Variants in NBEA observed in about 807,000 individuals in gnomAD.
The protein encoded by NBEA is lysosomal-trafficking regulator 2.
In NBEA, 44 loss-of-function variants were observed where a neutral mutation model predicts 343.4. That is an observed-to-expected ratio of 0.13 (90% CI 0.10 to 0.16). The LOEUF is 0.16. NBEA is among the 10% of genes least tolerant of loss of function. The pLI, the probability that NBEA is intolerant of heterozygous loss-of-function variation, is 1.00. For missense variants in NBEA, 2,555 were observed against 3,631.3 expected, an observed-to-expected ratio of 0.70 and a Z score of 7.62; for synonymous variants, 1,175 against 1,238.7, an observed-to-expected ratio of 0.95 and a Z score of 1.08.
chr13:35,472,509 T>G lies in NBEA; in HGVS notation c.6558T>G (p.Asp2186Glu). Residue 2186 changes from aspartate to glutamate, a missense_variant, in exon 41 of 59, where the codon GAT becomes GAG. Physicochemically the swap from Asp to Glu is conservative, Grantham distance 45. This residue lies in a region of NBEA where 246 missense variants were observed against 313.7 expected (regional missense o/e 0.78). Transcript: ENST00000379939. ...TEIYFEVDED[D>E]SAFKKIDTKV... is the part of the protein sequence containing the mutation. ...TCTACTTCGAGGTAGATGAGGATGA[T>G]TCTGCCTTCAAGAAGATCGACACGA... 1.2e-6 allele frequency: 2 copies of G among 1,614,024 alleles called. No individual in the cohort carries two copies. Among genetic ancestry groups the G allele is most frequent in the Non-Finnish European group, 1.7e-6 (2 of 1,179,896 alleles).
chr13:35,283,533 A>G (rs2035201486), intron 34 of NBEA, among the ~76,000 whole-genome samples: 1 of 152,158 alleles, frequency 6.6e-6, no homozygotes, highest in Admixed American at 6.6e-5. Context: ...CAATCTTCGA[A>G]AATATCTCAT....
chr13:35,495,667 C>T (rs573898871), intron 41 of NBEA, among the ~76,000 whole-genome samples: 2 of 151,994 alleles, frequency 1.3e-5, no homozygotes, highest in Non-Finnish European at 2.9e-5. Flanking sequence ...CCAACCAGAC[C>T]TAATACACAT....
chr13:35,631,786 A>G (rs1019036291), intron 49 of NBEA, among the ~76,000 whole-genome samples: 3 of 152,164 alleles, frequency 2.0e-5, no homozygotes, highest in Non-Finnish European at 2.9e-5. Flanking sequence ...CACAGCAATT[A>G]TGGCATTAAA....
At chr13:35,165,197 C>G (rs1270124624) in intron 24 of NBEA, 2 of 505,898 alleles carry the variant, frequency 4.0e-6, no homozygotes, top group Non-Finnish European at 8.1e-6. Flanking sequence ...TGGTGAGACA[C>G]TGTTTCCAAG....
At position 35,075,449 on chromosome 13, in the gene NBEA, A is replaced by G. The variant is rs1199335888; in HGVS notation, c.1571+4597A>G. 6.6e-5 allele frequency among the ~76,000 whole-genome samples: 10 copies of G among 152,222 alleles called. No individual in the cohort carries two copies. In the East Asian group the frequency reaches 1.9e-3, roughly 29 times the overall value. On this transcript the variant is annotated intron_variant, in intron 10 of 58. Transcript: ENST00000379939. ...GTAGAAATTTCATGTGATAATTTAA[A>G]TAAATTATCTTAAGTATATGAATAT...
chr13:35,468,379 C>T (rs1416735097), intron 40 of NBEA, among the ~76,000 whole-genome samples: 2 of 152,208 alleles, frequency 1.3e-5, no homozygotes, highest in Admixed American at 6.5e-5. Flanking sequence ...AGCAAGATCA[C>T]TGTGCATACC....
chr13:34,975,886 C>T (rs1329881237), intron 1 of NBEA, among the ~76,000 whole-genome samples: 2 of 152,162 alleles, frequency 1.3e-5, no homozygotes, highest in East Asian at 3.9e-4. Flanking sequence ...CCACCTCACT[C>T]CTGCAAGAAT....
chr13:35,663,926 G>T (rs78382691), intron 55 of NBEA, among the ~76,000 whole-genome samples: 8,467 of 152,236 alleles, frequency 0.056, 258 homozygotes, highest in South Asian at 0.1. Context: ...ATGGGTCTGA[G>T]AAAATGCAAA....
intron 38 of NBEA, among the ~76,000 whole-genome samples, chr13:35,423,877 G>A (rs558097826): frequency 7.0e-4 from 106 of 152,252 alleles, no homozygotes; most frequent in African/African-American, 2.5e-3. Flanking sequence ...TCCGTTGTAA[G>A]TTGGATTCCT....
At chr13:35,558,828 A>T (rs1384191050) in intron 44 of NBEA, among the ~76,000 whole-genome samples, 1 of 152,224 alleles carries the variant, frequency 6.6e-6, no homozygotes, top group African/African-American at 2.4e-5. Context: ...AAAGTACAGG[A>T]TTAAGTGCCA....
At chr13:35,254,690 T>G in intron 34 of NBEA, among the ~76,000 whole-genome samples, 2 of 152,248 alleles carry the variant, frequency 1.3e-5, no homozygotes. Flanking sequence ...TTAAAAATTT[T>G]TTTTCAAGAT....
chr13:35,137,227 G>A (rs771650490), intron 17 of NBEA, among the ~76,000 whole-genome samples: 1 of 152,100 alleles, frequency 6.6e-6, no homozygotes, highest in Non-Finnish European at 1.5e-5. Flanking sequence ...GAGATGGGTG[G>A]ATCCCTTGGT....
chr13:35,109,263 A>G, intron 11 of NBEA, 27 bp from the exon 12 acceptor site: 1 of 1,543,858 alleles, frequency 6.5e-7, no homozygotes, highest in East Asian at 2.3e-5. Context: ...GGATGTTTCA[A>G]GCTAGAATTT....
At chr13:35,530,341 GC>G (rs150698078) in intron 41 of NBEA, among the ~76,000 whole-genome samples, 1,597 of 152,304 alleles carry the variant, frequency 0.01, 17 homozygotes, top group Non-Finnish European at 0.016. Flanking sequence ...ACTGGCGGCG[GC>G]CTGTCCCCAG....
intron 38 of NBEA, among the ~76,000 whole-genome samples, chr13:35,395,358 GCAC>G (rs1291854032): frequency 6.6e-6 from 1 of 151,774 alleles, no homozygotes; most frequent in East Asian, 1.9e-4. Flanking sequence ...AAAGTGTATA[GCAC>G]CTTCTCCTTC....
At chr13:35,281,616 A>C (rs907078760) in intron 34 of NBEA, among the ~76,000 whole-genome samples, 5 of 152,118 alleles carry the variant, frequency 3.3e-5, no homozygotes, top group African/African-American at 1.2e-4. Context: ...GACTTCGTGA[A>C]TATCTTTTTA....
chr13:35,253,593 G>A (rs966583041), intron 34 of NBEA, among the ~76,000 whole-genome samples: 2 of 152,120 alleles, frequency 1.3e-5, no homozygotes, highest in Non-Finnish European at 2.9e-5. Flanking sequence ...TTATATTATG[G>A]TGTATACCAG....
intron 1 of NBEA, among the ~76,000 whole-genome samples, chr13:35,019,622 G>T (rs952694813): frequency 3.9e-5 from 6 of 152,120 alleles, no homozygotes; most frequent in Non-Finnish European, 7.4e-5. Flanking sequence ...GAATTCATCT[G>T]TGAAATCATC....
At chr13:35,251,419 C>T (rs1439134592) in intron 34 of NBEA, 2 of 1,055,014 alleles carry the variant, frequency 1.9e-6, no homozygotes, top group African/African-American at 1.7e-5. Flanking sequence ...AGATCCTCGT[C>T]AGTGGTGGCT....
Sources: allele counts gnomAD v4.1 joint callset (sites outside exome capture counted in the v4.1 genomes callset), GRCh38; gene constraint gnomAD v4.1.1; regional missense constraint gnomAD v4.1.1; transcripts MANE v1.5; gene names NCBI Gene and HGNC (gene_info 2026-07-23, HGNC 2026-07-21).